The following GUCY1A2 variants were observed in gnomAD, a reference collection of about 807,000 sequenced individuals.
GUCY1A2 encodes guanylate cyclase soluble subunit alpha-2.
In GUCY1A2, 27 loss-of-function variants were observed where a neutral mutation model predicts 63.5. The observed-to-expected ratio is 0.43, with a 90% confidence interval of 0.31 to 0.59. GUCY1A2 has a LOEUF of 0.59. Ranked by LOEUF, GUCY1A2 falls within the 20% of genes least tolerant of loss-of-function variation. The pLI, the probability that GUCY1A2 is intolerant of heterozygous loss-of-function variation, is 0.11. For missense variants in GUCY1A2, 768 were observed against 913.3 expected, an observed-to-expected ratio of 0.84 and a Z score of 2.05; for synonymous variants, 364 against 343.5, an observed-to-expected ratio of 1.06 and a Z score of -0.66.
intron 3 of GUCY1A2, among the ~76,000 whole-genome samples, chr11:106,972,399 C>T (rs528092138): frequency 6.6e-6 from 1 of 151,988 alleles, no homozygotes; most frequent in South Asian, 2.1e-4. Context: ...GAAAAATAAA[C>T]ACCAACCTAC....
At chr11:106,870,942 T>G (rs118003558) in intron 4 of GUCY1A2, among the ~76,000 whole-genome samples, 1,954 of 152,308 alleles carry the variant, frequency 0.013, 28 homozygotes, top group South Asian at 0.048. Flanking sequence ...GGTATCCTAT[T>G]TCATTACACT....
intron 5 of GUCY1A2, among the ~76,000 whole-genome samples, chr11:106,780,152 A>C (rs1231345249): frequency 6.6e-6 from 1 of 152,136 alleles, no homozygotes; most frequent in East Asian, 1.9e-4. Context: ...CAAAGCGAGA[A>C]CGAGACCTTT....
rs1374986446 is a variant in GUCY1A2, at chr11:107,018,365, G to A, written c.-310C>T. 6.7e-6 allele frequency: 1 copy of A among 149,394 alleles called. No individual in the cohort carries two copies. 9.3% of individuals were successfully genotyped at this position (149,394 alleles called of 1,614,324 possible). A position where few individuals can be genotyped will look rare whatever the true frequency, so the allele number is the denominator to read the frequency against. On this transcript the variant is annotated 5_prime_UTR_variant, in exon 1 of 8. Transcript: ENST00000526355. Reference sequence around the variant, plus strand: ...GCCTCAGCGCCCGCCTCGGCGCATCGCCGTGCGCCGCGCTCCCGCTCACGG... The same window carrying A: ...GCCTCAGCGCCCGCCTCGGCGCATCACCGTGCGCCGCGCTCCCGCTCACGG...
chr11:106,840,315 A>G (rs536838489), intron 4 of GUCY1A2, among the ~76,000 whole-genome samples: 4 of 152,090 alleles, frequency 2.6e-5, no homozygotes, highest in Non-Finnish European at 5.9e-5. Flanking sequence ...CATATGATTG[A>G]CAGGATCCCC....
intron 5 of GUCY1A2, among the ~76,000 whole-genome samples, chr11:106,806,683 G>C (rs1326085927): frequency 6.6e-6 from 1 of 152,052 alleles, no homozygotes; most frequent in African/African-American, 2.4e-5. Flanking sequence ...TATAACCCAG[G>C]CTTTCTTCAA....
chr11:106,732,098 T>C (rs1397088245), intron 6 of GUCY1A2, among the ~76,000 whole-genome samples: 1 of 152,150 alleles, frequency 6.6e-6, no homozygotes, highest in African/African-American at 2.4e-5. Flanking sequence ...AAGGAAGTCC[T>C]AAGCAAACAG....
chr11:106,718,590 G>C (rs138010449), intron 6 of GUCY1A2, among the ~76,000 whole-genome samples: 75 of 151,990 alleles, frequency 4.9e-4, no homozygotes, highest in African/African-American at 1.8e-3. Flanking sequence ...TATTATTAAG[G>C]CCTATAAGCT....
chr11:106,988,861 T>C (rs1861435686), intron 1 of GUCY1A2, among the ~76,000 whole-genome samples: 1 of 152,204 alleles, frequency 6.6e-6, no homozygotes. Context: ...TCTGAAGGCC[T>C]CAACCCATGG....
intron 2 of GUCY1A2, among the ~76,000 whole-genome samples, chr11:106,980,650 T>C (rs993560863): frequency 6.6e-6 from 1 of 152,172 alleles, no homozygotes; most frequent in African/African-American, 2.4e-5. Context: ...TTCATAATTC[T>C]TGGAAATACT....
chr11:106,829,271 A>T (rs1565303222), intron 4 of GUCY1A2, among the ~76,000 whole-genome samples: 1 of 152,228 alleles, frequency 6.6e-6, no homozygotes. Context: ...GGGTTGGGTG[A>T]GTTGCCAGAG....
rs569118620 is a variant in GUCY1A2, at chr11:106,931,472, A to G, written c.1206+7988T>C. On this transcript the variant is annotated intron_variant, in intron 4 of 7. Coordinates refer to ENST00000526355, the MANE Select transcript of GUCY1A2 (RefSeq NM_000855.3). ...TTTAAAAATTAAACATGTACTTACT[A>G]TATGATGCAACAACTGCAAATCAGT... 3.3e-5 allele frequency among the ~76,000 whole-genome samples: 5 copies of G among 152,330 alleles called. No individual in the cohort carries two copies. The South Asian group carries it at 1.0e-3, about 32-fold the overall frequency.
In GUCY1A2 at chr11:106,764,855, A is replaced by T. The variant is rs75907066; in HGVS notation, c.1836+11584T>A. Among the ~76,000 whole-genome samples, 962 of 151,356 alleles carry T rather than the reference A, an allele frequency of 6.4e-3. 8 individuals are homozygous for T. The highest frequency in any genetic ancestry group is 0.022 in the African/African-American group (907 of 41,296). On this transcript the variant is annotated intron_variant, in intron 6 of 7. Transcript: ENST00000526355. The stretch of plus-strand genomic sequence containing the variant: ...TCCAAACAGATATATCTGGATTCAA[A>T]TTTAGTTCTGCAATTGGCTAGCTAC...
intron 6 of GUCY1A2, among the ~76,000 whole-genome samples, chr11:106,767,845 A>G (rs548615402): frequency 1.3e-5 from 2 of 152,294 alleles, no homozygotes; most frequent in East Asian, 3.9e-4. Context: ...CTATAGCATC[A>G]TGCCAGAAGA....
At position 106,684,127 on chromosome 11, in the gene GUCY1A2, C is replaced by T. The variant is rs1862479734; in HGVS notation, c.*3422G>A. On this transcript the variant is annotated 3_prime_UTR_variant, in exon 8 of 8. Coordinates refer to ENST00000526355, the MANE Select transcript of GUCY1A2 (RefSeq NM_000855.3). ...CACACTAAACTACTGTGTCCTGACACCGTTGTTACTGGACAAGAGGAAGGA... is the reference window on the plus strand; with the variant it reads ...CACACTAAACTACTGTGTCCTGACATCGTTGTTACTGGACAAGAGGAAGGA... 1 of 184,446 alleles carries T rather than the reference C, an allele frequency of 5.4e-6. No individual in the cohort carries two copies. The highest frequency in any genetic ancestry group is 2.0e-4 in the South Asian group (1 of 5,110). 11.4% of individuals were successfully genotyped at this position (184,446 alleles called of 1,614,324 possible).
intron 2 of GUCY1A2, among the ~76,000 whole-genome samples, chr11:106,983,191 G>A (rs1427550294): frequency 6.6e-6 from 1 of 152,184 alleles, no homozygotes; most frequent in Non-Finnish European, 1.5e-5. Flanking sequence ...AGACCAGAAT[G>A]TCTTGGTGAG....
At chr11:106,774,276 C>T (rs953885115) in intron 6 of GUCY1A2, among the ~76,000 whole-genome samples, 7 of 151,910 alleles carry the variant, frequency 4.6e-5, no homozygotes, top group African/African-American at 1.5e-4. Context: ...GGATTACAGA[C>T]GCCCGCCACC....
intron 6 of GUCY1A2, among the ~76,000 whole-genome samples, chr11:106,734,055 G>C (rs1253276318): frequency 6.6e-6 from 1 of 152,092 alleles, no homozygotes; most frequent in Non-Finnish European, 1.5e-5. Flanking sequence ...ACTATACTGA[G>C]TTTCTTTTCT....
At chr11:106,864,628 G>T (rs1471954439) in intron 4 of GUCY1A2, among the ~76,000 whole-genome samples, 1 of 152,030 alleles carries the variant, frequency 6.6e-6, no homozygotes, top group Non-Finnish European at 1.5e-5. Context: ...GCATGAAGCG[G>T]TGTTGTATTT....
intron 4 of GUCY1A2, among the ~76,000 whole-genome samples, chr11:106,933,181 A>C (rs1030077775): frequency 2.0e-5 from 3 of 152,170 alleles, no homozygotes; most frequent in Non-Finnish European, 4.4e-5. Flanking sequence ...AACCTAAAAA[A>C]TGGGAGAAAA....
Sources: gnomAD v4.1 joint callset for allele counts (sites outside exome capture counted in the v4.1 genomes callset) on GRCh38, gnomAD v4.1.1 for gene constraint, MANE v1.5 for transcripts, NCBI Gene and HGNC (gene_info 2026-07-23, HGNC 2026-07-21) for gene names.